The following TTC28 variants were observed in gnomAD, a reference collection of about 807,000 sequenced individuals.
TTC28 encodes the protein tetratricopeptide repeat domain 28, also known as tetratricopeptide repeat protein 28.
Under a neutral mutation model 198.0 loss-of-function variants are expected in TTC28, and 61 were observed. That is an observed-to-expected ratio of 0.31 (90% CI 0.25 to 0.38). TTC28 has a LOEUF of 0.38. TTC28 is among the 10% of genes least tolerant of loss of function. The pLI is 1.00. For missense variants in TTC28, 2,678 were observed against 3,164.0 expected, an observed-to-expected ratio of 0.85 and a Z score of 3.69; for synonymous variants, 1,171 against 1,297.8, an observed-to-expected ratio of 0.90 and a Z score of 2.10.
chr22:28,351,528 T>G (rs925061171), intron 2 of TTC28, among the ~76,000 whole-genome samples: 1 of 152,118 alleles, frequency 6.6e-6, no homozygotes, highest in Non-Finnish European at 1.5e-5. Context: ...CATATTATAG[T>G]TTTGTAGAAT....
intron 1 of TTC28, among the ~76,000 whole-genome samples, chr22:28,649,533 G>A (rs2051533251): frequency 6.6e-6 from 1 of 152,100 alleles, no homozygotes; most frequent in African/African-American, 2.4e-5. Context: ...ATGGTTTCAT[G>A]CCCATGAATA....
At chr22:28,125,836 G>T (rs1315176248) in intron 6 of TTC28, among the ~76,000 whole-genome samples, 1 of 152,076 alleles carries the variant, frequency 6.6e-6, no homozygotes, top group East Asian at 1.9e-4. Context: ...AAAAAATGTT[G>T]CATAGCTCAT....
intron 1 of TTC28, among the ~76,000 whole-genome samples, chr22:28,641,572 C>G (rs1190763205): frequency 6.6e-6 from 1 of 152,036 alleles, no homozygotes; most frequent in Non-Finnish European, 1.5e-5. Flanking sequence ...GGAAAATGTT[C>G]TAGAATTAGA....
intron 2 of TTC28, among the ~76,000 whole-genome samples, chr22:28,503,915 C>T (rs1046948437): frequency 2.6e-5 from 4 of 152,126 alleles, no homozygotes; most frequent in African/African-American, 4.8e-5. Flanking sequence ...AAAGTATTTC[C>T]TATGGAGTTG....
chr22:28,569,151 C>CAAATAAATAAATAAATAAAT (rs33998799), intron 2 of TTC28, among the ~76,000 whole-genome samples: 4 of 136,056 alleles, frequency 2.9e-5, no homozygotes, highest in East Asian at 2.1e-4. Context: ...TGTTCTGTCT[C>CAAATAAATAAATAAATAAAT]AAATAAATAA....
chr22:28,430,986 C>T (rs2047421497), intron 2 of TTC28, among the ~76,000 whole-genome samples: 1 of 151,936 alleles, frequency 6.6e-6, no homozygotes, highest in South Asian at 2.1e-4. Context: ...GCCTACCCTT[C>T]AAGTCAAGTT....
chr22:28,389,821 G>GT (rs1025559125), intron 2 of TTC28, among the ~76,000 whole-genome samples: 1 of 150,762 alleles, frequency 6.6e-6, no homozygotes, highest in Non-Finnish European at 1.5e-5. Flanking sequence ...TTTTTGAAGG[G>GT]TTTTTTGTGT....
intron 12 of TTC28, 26 bp downstream of exon 12, chr22:28,094,054 G>A (rs918289313): frequency 6.7e-7 from 1 of 1,498,410 alleles, no homozygotes; most frequent in Admixed American, 2.6e-5. Flanking sequence ...ATCTGAAAAT[G>A]GACTTGGGGA....
At chr22:28,359,216 T>A (rs2046122020) in intron 2 of TTC28, among the ~76,000 whole-genome samples, 1 of 152,132 alleles carries the variant, frequency 6.6e-6, no homozygotes, top group South Asian at 2.1e-4. Context: ...ATAAAAGAAG[T>A]ACAAAAAACT....
intron 6 of TTC28, among the ~76,000 whole-genome samples, chr22:28,148,965 CCATT>C (rs1385892071): frequency 6.6e-6 from 1 of 152,182 alleles, no homozygotes; most frequent in Admixed American, 6.5e-5. Flanking sequence ...CATCCTTCAT[CCATT>C]CAAGACATAC....
At chr22:28,116,225 A>G (rs1047391430) in intron 6 of TTC28, among the ~76,000 whole-genome samples, 1 of 152,130 alleles carries the variant, frequency 6.6e-6, no homozygotes, top group Non-Finnish European at 1.5e-5. Flanking sequence ...CACTGCCTTC[A>G]TGCATAGCCA....
chr22:28,545,455 T>C (rs2049519987), intron 2 of TTC28, among the ~76,000 whole-genome samples: 1 of 152,086 alleles, frequency 6.6e-6, no homozygotes, highest in African/African-American at 2.4e-5. Context: ...GGCATGCACC[T>C]ACAGTCCCAG....
intron 2 of TTC28, among the ~76,000 whole-genome samples, chr22:28,357,320 T>TA (rs2046093204): frequency 6.8e-6 from 1 of 146,178 alleles, no homozygotes; most frequent in Non-Finnish European, 1.5e-5. Context: ...TTCTTATTTT[T>TA]TTTTTTTTTT....
In TTC28 at chr22:28,096,206, C is replaced by T; in HGVS notation, c.3750G>A (p.Leu1250=). ...SLAAGYLYSW[L]LAPGAGIVKF... ...AGATCTTACCTGCCCCAGGAGCCAGCAGCCAGCTATACAGATAGCCTGCAG... is the reference window on the plus strand; with the variant it reads ...AGATCTTACCTGCCCCAGGAGCCAGTAGCCAGCTATACAGATAGCCTGCAG... The change falls in exon 11 of 23, where the codon CTG becomes CTA. Residue 1250 remains leucine, a synonymous_variant. Coordinates refer to ENST00000397906, the MANE Select transcript of TTC28 (RefSeq NM_001145418.2). 1.3e-6 allele frequency: 2 copies of T among 1,544,606 alleles called. No homozygotes were observed. Among genetic ancestry groups the T allele is most frequent in the Non-Finnish European group, 1.8e-6 (2 of 1,141,980 alleles).
intron 2 of TTC28, among the ~76,000 whole-genome samples, chr22:28,389,249 T>A (rs903028452): frequency 1.3e-5 from 2 of 152,174 alleles, no homozygotes; most frequent in Non-Finnish European, 2.9e-5. Flanking sequence ...TTTGCCAGTA[T>A]TTTATTGAGG....
intron 2 of TTC28, among the ~76,000 whole-genome samples, chr22:28,505,875 G>A (rs905867587): frequency 6.6e-6 from 1 of 152,184 alleles, no homozygotes; most frequent in Admixed American, 6.5e-5. Flanking sequence ...GGCTGGAGTC[G>A]GCCTGAGTTG....
At chr22:28,431,592 T>C (rs1421954734) in intron 2 of TTC28, among the ~76,000 whole-genome samples, 1 of 152,242 alleles carries the variant, frequency 6.6e-6, no homozygotes, top group Non-Finnish European at 1.5e-5. Flanking sequence ...TCTCTTACAG[T>C]TAGAATTTTT....
chr22:28,501,301 G>C (rs918884780), intron 2 of TTC28, among the ~76,000 whole-genome samples: 6 of 152,076 alleles, frequency 3.9e-5, no homozygotes, highest in Non-Finnish European at 7.4e-5. Flanking sequence ...CCTGACTCTG[G>C]AGCCTGTTAT....
At chr22:28,143,059 T>C (rs1006566547) in intron 6 of TTC28, among the ~76,000 whole-genome samples, 1 of 152,232 alleles carries the variant, frequency 6.6e-6, no homozygotes, top group African/African-American at 2.4e-5. Context: ...GAAAGAGATC[T>C]GTGTCACATG....
Sources: gnomAD v4.1 joint callset for allele counts (sites outside exome capture counted in the v4.1 genomes callset) on GRCh38, gnomAD v4.1.1 for gene constraint, MANE v1.5 for transcripts, NCBI Gene and HGNC (gene_info 2026-07-23, HGNC 2026-07-21) for gene names.